Variants in DDC observed in about 807,000 individuals in gnomAD.
DDC encodes aromatic-L-amino-acid decarboxylase.
A neutral mutation model predicts 60.0 loss-of-function variants in DDC; 43 were observed. The ratio of observed to expected loss-of-function variants is 0.72; its 90% confidence interval spans 0.56 to 0.92. The LOEUF is 0.92. DDC is among the 40% of genes least tolerant of loss of function. The pLI, the probability that DDC is intolerant of heterozygous loss-of-function variation, is 0.00. For missense variants in DDC, 573 were observed against 620.2 expected, an observed-to-expected ratio of 0.92 and a Z score of 0.81; for synonymous variants, 232 against 234.6, an observed-to-expected ratio of 0.99 and a Z score of 0.10.
chr7:50,531,546 A>C (rs185806691), intron 4 of DDC, among the ~76,000 whole-genome samples: 178 of 151,936 alleles, frequency 1.2e-3, no homozygotes, highest in Non-Finnish European at 2.3e-3. Context: ...AATCACCTGA[A>C]TCACCATGAC....
intron 14 of DDC, among the ~76,000 whole-genome samples, chr7:50,459,325 C>G (rs555439377): frequency 6.6e-6 from 1 of 152,234 alleles, no homozygotes; most frequent in African/African-American, 2.4e-5. Context: ...ACCTCCCAGC[C>G]GCCTGCCTTG....
intron 4 of DDC, among the ~76,000 whole-genome samples, chr7:50,534,318 G>T (rs1377981400): frequency 6.6e-6 from 1 of 152,054 alleles, no homozygotes; most frequent in Non-Finnish European, 1.5e-5. Flanking sequence ...CACTCTGACC[G>T]ATCTCCTACA....
At chr7:50,485,621 T>C (rs1213454683) in intron 9 of DDC, among the ~76,000 whole-genome samples, 8 of 152,380 alleles carry the variant, frequency 5.3e-5, no homozygotes, top group Non-Finnish European at 5.9e-5. Context: ...CTCTTAGGAA[T>C]CTAGAGGAAT....
chr7:50,556,422 T>A (rs1026272149), intron 1 of DDC, among the ~76,000 whole-genome samples: 1 of 152,172 alleles, frequency 6.6e-6, no homozygotes, highest in Non-Finnish European at 1.5e-5. Context: ...TCTGACTTCA[T>A]GACCTAATCA....
Position 50,537,858 on chromosome 7 carries a change from A to G in DDC, c.435+2T>C. The G allele has an allele frequency of 6.2e-7, 1 of 1,614,056 alleles. No individual in the cohort carries two copies. Among genetic ancestry groups the G allele is most frequent in the African/African-American group, 1.3e-5 (1 of 74,996 alleles). On this transcript the variant is annotated splice_donor_variant, in intron 4 of 14. Coordinates refer to ENST00000444124, the MANE Select transcript of DDC (RefSeq NM_001082971.2). LOFTEE classifies it high-confidence loss of function. ...AAGTGGCCCTCACAGCTCCCACCTT[A>G]CCTGGATCACTCCTCCCCCTTCTCC...
chr7:50,530,554 T>C (rs1160548597), intron 4 of DDC, among the ~76,000 whole-genome samples: 3 of 152,192 alleles, frequency 2.0e-5, no homozygotes, highest in Non-Finnish European at 4.4e-5. Flanking sequence ...AATCCCATTT[T>C]TGTGTTTTAT....
chr7:50,465,894 G>A (rs960476397), intron 13 of DDC, among the ~76,000 whole-genome samples: 7 of 152,182 alleles, frequency 4.6e-5, no homozygotes, highest in South Asian at 2.1e-4. Context: ...CATCCAGAGC[G>A]TGTCTTGCCC....
At chr7:50,482,461 C>G (rs1323444972) in intron 9 of DDC, among the ~76,000 whole-genome samples, 1 of 152,174 alleles carries the variant, frequency 6.6e-6, no homozygotes, top group African/African-American at 2.4e-5. Flanking sequence ...GTTTCTGGCT[C>G]TCTCTTCTAA....
intron 1 of DDC, among the ~76,000 whole-genome samples, chr7:50,557,886 C>T (rs78189155): frequency 0.02 from 3,074 of 152,318 alleles, 186 homozygotes; most frequent in Admixed American, 0.11. Flanking sequence ...TGAGCATAGA[C>T]ACTCCATCTC....
At chr7:50,465,040 C>T (rs1223532989) in intron 13 of DDC, among the ~76,000 whole-genome samples, 1 of 152,250 alleles carries the variant, frequency 6.6e-6, no homozygotes, top group Admixed American at 6.5e-5. Context: ...TGAGAGGACT[C>T]ACTATATGGC....
intron 6 of DDC, among the ~76,000 whole-genome samples, chr7:50,509,015 G>C (rs191734288): frequency 1.3e-5 from 2 of 152,058 alleles, no homozygotes; most frequent in African/African-American, 4.8e-5. Context: ...TCAGCAACAG[G>C]CTTTCCAAAT....
chr7:50,495,320 C>A (rs771839680), intron 9 of DDC, 30 bp downstream of exon 9: 1 of 1,567,552 alleles, frequency 6.4e-7, no homozygotes, highest in Admixed American at 1.7e-5. Flanking sequence ...CTCGGACAGG[C>A]AACTGACATC....
At chr7:50,554,128 T>C (rs2045103581) in intron 1 of DDC, among the ~76,000 whole-genome samples, 1 of 152,186 alleles carries the variant, frequency 6.6e-6, no homozygotes, top group South Asian at 2.1e-4. Context: ...CTGCTTTCAG[T>C]TACTCTGTTA....
rs769819256 is a variant in DDC at position 50,515,696 on chromosome 7, G to A, written c.715-11637C>T. Among the ~76,000 whole-genome samples, 5 of 152,170 alleles carry A rather than the reference G, an allele frequency of 3.3e-5. No individual in the cohort carries two copies. In the East Asian group the frequency reaches 5.8e-4, roughly 18 times the overall value. ...GCTGCCTTCAGGAGATTCACCTAAC[G>A]CATAAGGACTCACATAAACTTAAGG... On this transcript the variant is annotated intron_variant, in intron 6 of 14. Coordinates refer to ENST00000444124, the MANE Select transcript of DDC (RefSeq NM_001082971.2).
chr7:50,553,838 T>C (rs978732875), intron 1 of DDC, among the ~76,000 whole-genome samples: 1 of 152,148 alleles, frequency 6.6e-6, no homozygotes, highest in Non-Finnish European at 1.5e-5. Context: ...CATAAAAATA[T>C]TCAGTAGGAG....
At chr7:50,534,782 G>A (rs751105314) in intron 4 of DDC, among the ~76,000 whole-genome samples, 58 of 152,308 alleles carry the variant, frequency 3.8e-4, no homozygotes, top group Middle Eastern at 3.4e-3. Flanking sequence ...CTGCAGGCAC[G>A]CAGCTGTCCC....
intron 9 of DDC, chr7:50,492,678 A>C: frequency 9.7e-7 from 1 of 1,035,382 alleles, no homozygotes; most frequent in Non-Finnish European, 1.2e-6. Flanking sequence ...TTCCTTCTAC[A>C]AGGAAATTTT....
At chr7:50,472,090 G>A (rs79424408) in intron 11 of DDC, among the ~76,000 whole-genome samples, 1,539 of 152,252 alleles carry the variant, frequency 0.01, 17 homozygotes, top group South Asian at 0.023. Context: ...GACTGAATTC[G>A]ATGCACTGTC....
chr7:50,529,090 G>A (rs2044122366), intron 5 of DDC, 118 bp downstream of exon 5: 9 of 1,357,840 alleles, frequency 6.6e-6, no homozygotes, highest in African/African-American at 1.4e-5. Flanking sequence ...TCTATTTAGT[G>A]ATACCTGAGG....
Sources: gnomAD v4.1 joint callset for allele counts (sites outside exome capture counted in the v4.1 genomes callset) on GRCh38, gnomAD v4.1.1 for gene constraint, MANE v1.5 for transcripts, NCBI Gene and HGNC (gene_info 2026-07-23, HGNC 2026-07-21) for gene names.